Variants in EFNA5 observed in about 807,000 individuals in gnomAD.
EFNA5 encodes ephrin A5.
A neutral mutation model predicts 22.9 loss-of-function variants in EFNA5; 5 were observed. The ratio of observed to expected loss-of-function variants is 0.22; its 90% CI spans 0.11 to 0.46. The LOEUF is 0.46. EFNA5 is among the 20% of genes least tolerant of loss of function. The probability of loss-of-function intolerance (pLI) is 0.99; values close to 1 mark genes in which losing one functional copy is unlikely to be tolerated. For missense variants in EFNA5, 237 were observed against 293.3 expected (o/e 0.81, Z 1.40); for synonymous variants, 113 against 112.2 (o/e 1.01, Z -0.04).
chr5:107,388,555 T>C (rs1312767391), intron 2 of EFNA5: 2 of 152,146 alleles, frequency 1.3e-5, no homozygotes, highest in Non-Finnish European at 2.9e-5. Flanking sequence ...CTTTTCAAGA[T>C]AATAAGACTG....
At chr5:107,504,967 T>C (rs1383204651) in intron 1 of EFNA5, among the ~76,000 whole-genome samples, 1 of 152,170 alleles carries the variant, frequency 6.6e-6, no homozygotes, top group Non-Finnish European at 1.5e-5. Context: ...ATTGCTTCAA[T>C]AAACCAATGT....
intron 1 of EFNA5, among the ~76,000 whole-genome samples, chr5:107,636,519 A>G (rs988941414): frequency 6.6e-5 from 10 of 152,240 alleles, no homozygotes; most frequent in African/African-American, 1.7e-4. Context: ...TCTTCTGGAC[A>G]CCCTCAAGCT....
At chr5:107,464,113 A>C (rs1260832804) in intron 1 of EFNA5, among the ~76,000 whole-genome samples, 2 of 152,158 alleles carry the variant, frequency 1.3e-5, no homozygotes, top group Non-Finnish European at 2.9e-5. Context: ...CATGGGATTC[A>C]AAAAGAGGCA....
intron 1 of EFNA5, among the ~76,000 whole-genome samples, chr5:107,463,842 C>A (rs986805509): frequency 2.0e-5 from 3 of 152,092 alleles, no homozygotes; most frequent in Non-Finnish European, 2.9e-5. Context: ...TGAGTGAGGA[C>A]AATTTGAAGT....
intron 4 of EFNA5, among the ~76,000 whole-genome samples, chr5:107,382,437 A>G (rs1282918194): frequency 6.6e-6 from 1 of 151,992 alleles, no homozygotes; most frequent in Non-Finnish European, 1.5e-5. Context: ...CAGTGGCCCA[A>G]TCATAGCTCA....
intron 2 of EFNA5, among the ~76,000 whole-genome samples, chr5:107,395,055 G>A (rs1194573425): frequency 3.8e-4 from 3 of 7,818 alleles, no homozygotes; most frequent in Middle Eastern, 0.083. Flanking sequence ...TTTTTTTTCC[G>A]CGAGACAGTG....
chr5:107,591,338 C>T (rs2112502755), intron 1 of EFNA5, among the ~76,000 whole-genome samples: 1 of 152,254 alleles, frequency 6.6e-6, no homozygotes, highest in Non-Finnish European at 1.5e-5. Flanking sequence ...TCATGCCCAG[C>T]CATAGAGCTG....
chr5:107,560,654 T>C (rs1748515304), intron 1 of EFNA5, among the ~76,000 whole-genome samples: 2 of 152,224 alleles, frequency 1.3e-5, no homozygotes, highest in Admixed American at 1.3e-4. Flanking sequence ...CAAGGACAAG[T>C]GGCTTAACGT....
At chr5:107,397,227 G>A (rs1202059385) in intron 2 of EFNA5, among the ~76,000 whole-genome samples, 1 of 152,154 alleles carries the variant, frequency 6.6e-6, no homozygotes, top group Non-Finnish European at 1.5e-5. Flanking sequence ...CTCCAGCCCT[G>A]TCGGCAGGGT....
chr5:107,615,436 T>C (rs1417654539), intron 1 of EFNA5, among the ~76,000 whole-genome samples: 2 of 152,118 alleles, frequency 1.3e-5, no homozygotes, highest in Non-Finnish European at 2.9e-5. Flanking sequence ...TGAGAAGGCA[T>C]TCCGTGATGA....
At chr5:107,651,936 AT>A (rs1449810333) in intron 1 of EFNA5, among the ~76,000 whole-genome samples, 1 of 152,192 alleles carries the variant, frequency 6.6e-6, no homozygotes, top group African/African-American at 2.4e-5. Flanking sequence ...GACCCTGTTA[AT>A]CCATCTGTTA....
At chr5:107,579,738 C>T (rs1749003561) in intron 1 of EFNA5, among the ~76,000 whole-genome samples, 1 of 152,148 alleles carries the variant, frequency 6.6e-6, no homozygotes, top group Non-Finnish European at 1.5e-5. Context: ...TTTTCATCCA[C>T]CAAAGAGGCT....
intron 1 of EFNA5, among the ~76,000 whole-genome samples, chr5:107,591,976 A>ATATATAATATATATAAT (rs1749362805): frequency 3.8e-4 from 8 of 20,920 alleles, no homozygotes; most frequent in Admixed American, 9.1e-4. Context: ...TAATATATAT[A>ATATATAATATATATAAT]ATATATAATA....
At chr5:107,538,583 G>A (rs1747974582) in intron 1 of EFNA5, among the ~76,000 whole-genome samples, 1 of 152,170 alleles carries the variant, frequency 6.6e-6, no homozygotes, top group Non-Finnish European at 1.5e-5. Flanking sequence ...AATAGCACAA[G>A]CAAAGCTGAC....
intron 1 of EFNA5, among the ~76,000 whole-genome samples, chr5:107,540,044 T>G (rs1287282196): frequency 6.6e-6 from 1 of 152,034 alleles, no homozygotes; most frequent in African/African-American, 2.4e-5. Context: ...ATGGACTATT[T>G]GTTCTAAAGG....
intron 4 of EFNA5, among the ~76,000 whole-genome samples, chr5:107,384,107 C>T (rs935458910): frequency 6.6e-6 from 1 of 152,168 alleles, no homozygotes; most frequent in African/African-American, 2.4e-5. Context: ...GAGAAACTGG[C>T]TGTCATTTGG....
intron 2 of EFNA5, among the ~76,000 whole-genome samples, chr5:107,419,959 T>C (rs970094129): frequency 6.6e-6 from 1 of 152,152 alleles, no homozygotes; most frequent in Admixed American, 6.5e-5. Context: ...TAAAAGACAA[T>C]GAACAGTGAA....
intron 1 of EFNA5, among the ~76,000 whole-genome samples, chr5:107,614,708 T>A (rs1276564338): frequency 6.6e-6 from 1 of 152,186 alleles, no homozygotes; most frequent in Non-Finnish European, 1.5e-5. Flanking sequence ...GACTCCTGGT[T>A]GTGTAACATT....
chr5:107,394,120 G>A (rs181498358), intron 2 of EFNA5, among the ~76,000 whole-genome samples: 2 of 152,312 alleles, frequency 1.3e-5, no homozygotes, highest in East Asian at 3.9e-4. Flanking sequence ...GTGTTATGAT[G>A]AAATACATCT....
Sources: gnomAD v4.1 joint callset for allele counts (sites outside exome capture counted in the v4.1 genomes callset) on GRCh38, gnomAD v4.1.1 for gene constraint, MANE v1.5 for transcripts, NCBI Gene and HGNC (gene_info 2026-07-23, HGNC 2026-07-21) for gene names.